MTOR: variants seen among roughly 807,000 people sequenced by gnomAD.
The protein encoded by MTOR is mechanistic target of rapamycin kinase.
MTOR carries 70 observed loss-of-function variants against 319.8 expected under a neutral mutation model. The observed-to-expected ratio is 0.22, with a 90% CI of 0.18 to 0.27. The LOEUF is 0.27. Among genes scored for constraint, MTOR ranks in the 10% least tolerant of loss-of-function variants. The pLI, the probability that MTOR is intolerant of heterozygous loss-of-function variation, is 1.00. For missense variants in MTOR, 1,890 were observed against 3,274.4 expected (o/e 0.58, Z 10.32); for synonymous variants, 1,183 against 1,211.4 (o/e 0.98, Z 0.49).
intron 49 of MTOR, among the ~76,000 whole-genome samples, chr1:11,118,296 G>A: frequency 7.3e-6 from 1 of 136,148 alleles, no homozygotes. Context: ...GAGTGCAATG[G>A]CACAATCTTG....
chr1:11,262,298 C>T (rs1328119340), intron 1 of MTOR, 147 bp downstream of exon 1: 2 of 152,408 alleles, frequency 1.3e-5, no homozygotes, highest in African/African-American at 2.4e-5. Context: ...GAGTCAAGGC[C>T]TCAGACGGTG....
At chr1:11,139,492 G>A (rs1372165914) in intron 35 of MTOR, 41 bp downstream of exon 35, 18 of 1,614,122 alleles carry the variant, frequency 1.1e-5, no homozygotes, top group Non-Finnish European at 1.5e-5. Context: ...GGGACACCAT[G>A]GGGCCCTACC....
chr1:11,130,582 C>G lies in MTOR; in HGVS notation c.5560G>C (p.Glu1854Gln), dbSNP rs150639035. 1 of 1,613,710 alleles carries G rather than the reference C, an allele frequency of 6.2e-7. No homozygotes were observed. Among genetic ancestry groups the G allele is most frequent in the Non-Finnish European group, 8.5e-7 (1 of 1,179,998 alleles). The change falls in exon 39 of 58, where the codon GAG (glutamate) becomes CAG (glutamine). Residue 1854 changes from glutamate to glutamine, a missense_variant. Glu to Gln is a conservative substitution (Grantham distance 29). Coordinates refer to ENST00000361445, the MANE Select transcript of MTOR (RefSeq NM_004958.4). The stretch of plus-strand genomic sequence containing the variant: ...GGGGTGGGGCTGTTCTCGGTGCTCT[C>G]GGCCTCGCTCTCACTGTTGCTGCCC... ...TEGSNSESEA[E>Q]STENSPTPSP...
intron 19 of MTOR, among the ~76,000 whole-genome samples, chr1:11,223,670 T>C (rs987723092): frequency 6.6e-6 from 1 of 151,140 alleles, no homozygotes; most frequent in Non-Finnish European, 1.5e-5. Flanking sequence ...CTCAAACAAA[T>C]CCAGAAAAAG....
In MTOR at chr1:11,121,396, G is replaced by A; in HGVS notation, c.6811-28C>T. The A allele has an allele frequency of 3.1e-6, 5 of 1,613,356 alleles. No individual in the cohort carries two copies. The highest frequency in any genetic ancestry group is 4.2e-6 in the Non-Finnish European group (5 of 1,179,912). The stretch of plus-strand genomic sequence containing the variant: ...GCATCAGGACACAACTGTTCAGTAA[G>A]AGAGCAGCCTAAGACATGTAGTTTG... On this transcript the variant is annotated intron_variant, in intron 48 of 57. Transcript: ENST00000361445. The surrounding 1 kb of genome is among the most constrained non-coding windows in gnomAD (Gnocchi z 4.9).
At chr1:11,175,923 T>G (rs1388991107) in intron 28 of MTOR, among the ~76,000 whole-genome samples, 2 of 152,072 alleles carry the variant, frequency 1.3e-5, no homozygotes, top group Non-Finnish European at 2.9e-5. Context: ...TTTTCTATTT[T>G]TAGTAGTAGA....
At chr1:11,163,119 A>G (rs1422122317) in intron 29 of MTOR, among the ~76,000 whole-genome samples, 2 of 152,216 alleles carry the variant, frequency 1.3e-5, no homozygotes, top group East Asian at 1.9e-4. Flanking sequence ...AACAAAAAAA[A>G]AGCAGGGGTT....
rs758634485 is a variant in MTOR at position 11,228,673 on chromosome 1, G to T, written c.3025C>A (p.Arg1009=). The change falls in exon 19 of 58, where the codon CGG becomes AGG. Residue 1009 remains arginine (R), a synonymous_variant. Coordinates refer to ENST00000361445, the MANE Select transcript of MTOR (RefSeq NM_004958.4). ...NVIRVCDGAI[R]EFLFQQLGML... ...TTGGGGTTTGAGGTACTTACTTCCC[G>T]GATGGCCCCATCACAGACTCGAATG... 1.2e-6 allele frequency: 2 copies of T among 1,613,638 alleles called. No homozygotes were observed. Among genetic ancestry groups the T allele is most frequent in the East Asian group, 4.5e-5 (2 of 44,882 alleles).
chr1:11,233,304 T>C, intron 15 of MTOR, 94 bp downstream of exon 15: 1 of 1,188,626 alleles, frequency 8.4e-7, no homozygotes, highest in Admixed American at 2.1e-5. Context: ...TGTGAGACCT[T>C]TCATTTAAAA....
At chr1:11,240,617 G>A in intron 10 of MTOR, 70 bp from the exon 11 acceptor site, 1 of 1,546,710 alleles carries the variant, frequency 6.5e-7, no homozygotes, top group Non-Finnish European at 8.7e-7. Context: ...GGAAGAAACA[G>A]CTTTCTCTCC....
At chr1:11,240,189 G>A in intron 11 of MTOR, 114 bp downstream of exon 11, 1 of 1,384,610 alleles carries the variant, frequency 7.2e-7, no homozygotes. Flanking sequence ...TACAGAATCA[G>A]CTACCCTGTC....
rs56328160 is a variant in MTOR, at chr1:11,255,382, C to CAAAA, written c.705+606_705+609dup. On this transcript the variant is annotated intron_variant, in intron 5 of 57. Coordinates refer to ENST00000361445, the MANE Select transcript of MTOR (RefSeq NM_004958.4). ...TGGTGACAGAACAAGACTCCATCTC[C>CAAAA]AAAAAAAAAAAAAAAAAAAAAAAAA... Among the ~76,000 whole-genome samples, 58 of 98,216 alleles carry CAAAA rather than the reference C, an allele frequency of 5.9e-4. 2 individuals are homozygous for CAAAA. Among genetic ancestry groups the CAAAA allele is most frequent in the African/African-American group, 3.5e-3 (56 of 15,884 alleles). The allele number at this position is 98,216 out of a possible 152,430, so 64.4% of individuals were successfully genotyped here.
chr1:11,114,001 G>A (rs1027055728), intron 53 of MTOR, among the ~76,000 whole-genome samples: 6 of 152,084 alleles, frequency 3.9e-5, no homozygotes, highest in African/African-American at 1.4e-4. Flanking sequence ...GCCCCCAAGT[G>A]AAGAAGGAAG....
At chr1:11,188,981 GTC>G (rs1645412590) in intron 28 of MTOR, among the ~76,000 whole-genome samples, 1 of 152,132 alleles carries the variant, frequency 6.6e-6, no homozygotes, top group African/African-American at 2.4e-5. Flanking sequence ...GGTGAGTAGC[GTC>G]TCTTTCGCCT....
At chr1:11,237,734 A>C in intron 13 of MTOR, 109 bp downstream of exon 13, 7 of 1,181,770 alleles carry the variant, frequency 5.9e-6, no homozygotes, top group Non-Finnish European at 8.5e-6. Flanking sequence ...TTTACCAGGT[A>C]CCTCAATCTT....
intron 54 of MTOR, chr1:11,111,710 C>T (rs1641887372): frequency 6.6e-6 from 1 of 152,452 alleles, no homozygotes. Context: ...GCTTTCTGTG[C>T]TTCTTCAGGC....
Position 11,166,145 on chromosome 1 carries a change from A to G in MTOR, c.4329+1297T>C, listed in dbSNP as rs182048883. ...TTAGACCTAAAACCATAAAAACCCT[A>G]GAAGAAAACCTAGGCAATACCATTC... On this transcript the variant is annotated intron_variant, in intron 29 of 57. Transcript: ENST00000361445. Among the ~76,000 whole-genome samples, 524 of 152,352 alleles carry G rather than the reference A, an allele frequency of 3.4e-3. 4 individuals carry two copies. Among genetic ancestry groups the G allele is most frequent in the African/African-American group, 0.012 (507 of 41,572 alleles).
At chr1:11,246,282 G>C (rs1331944634) in intron 8 of MTOR, among the ~76,000 whole-genome samples, 2 of 152,192 alleles carry the variant, frequency 1.3e-5, no homozygotes, top group East Asian at 3.8e-4. Context: ...GAACTTACAA[G>C]GGTAACTTAC....
chr1:11,251,655 C>CTTTTTTTTTTTT (rs761523542), intron 6 of MTOR, among the ~76,000 whole-genome samples: 1 of 113,702 alleles, frequency 8.8e-6, no homozygotes, highest in African/African-American at 3.2e-5. Flanking sequence ...TAGATAGTTT[C>CTTTTTTTTTTTT]TTTTTTTTTT....
Sources: allele counts gnomAD v4.1 joint callset (sites outside exome capture counted in the v4.1 genomes callset), GRCh38; gene constraint gnomAD v4.1.1; non-coding constraint Gnocchi (gnomAD v3.1); transcripts MANE v1.5; gene names NCBI Gene and HGNC (gene_info 2026-07-23, HGNC 2026-07-21).